Variants in LRFN5 observed in about 807,000 individuals in gnomAD.
The protein encoded by LRFN5 is leucine-rich repeat and fibronectin type-III domain-containing protein 5.
A neutral mutation model predicts 45.6 loss-of-function variants in LRFN5; 24 were observed. The observed-to-expected ratio is 0.53, with a 90% CI of 0.38 to 0.74. The LOEUF is 0.74. Among genes scored for constraint, LRFN5 ranks in the 30% least tolerant of loss-of-function variants. LRFN5 has a pLI of 0.00. For missense variants in LRFN5, 776 were observed against 861.5 expected (o/e 0.90, Z 1.24); for synonymous variants, 340 against 313.8 (o/e 1.08, Z -0.88).
intron 1 of LRFN5, chr14:41,700,562 C>G (rs1157414123): frequency 6.6e-6 from 1 of 151,642 alleles, no homozygotes; most frequent in African/African-American, 2.4e-5. Context: ...GTATAGATGT[C>G]TGCATGTGTA....
At chr14:41,805,601 G>C (rs992844008) in intron 2 of LRFN5, among the ~76,000 whole-genome samples, 104 of 142,310 alleles carry the variant, frequency 7.3e-4, no homozygotes, top group Admixed American at 2.9e-3. Context: ...TCCCCTTCCT[G>C]TGTCCATGTG....
chr14:41,746,349 A>C (rs1362463469), intron 1 of LRFN5, among the ~76,000 whole-genome samples: 1 of 152,008 alleles, frequency 6.6e-6, no homozygotes. Context: ...AACTACCTCA[A>C]TATTATAAAA....
intron 1 of LRFN5, among the ~76,000 whole-genome samples, chr14:41,718,865 A>T (rs962868164): frequency 6.6e-6 from 1 of 151,812 alleles, no homozygotes; most frequent in Admixed American, 6.6e-5. Context: ...ATTAACAGGG[A>T]TGGAAGTTTA....
chr14:41,631,901 A>G (rs1362703044), intron 1 of LRFN5, among the ~76,000 whole-genome samples: 2 of 152,218 alleles, frequency 1.3e-5, no homozygotes, highest in African/African-American at 4.8e-5. Flanking sequence ...TTTGGTTTTC[A>G]TTATGAAAGA....
chr14:41,641,082 C>G (rs1879553218), intron 1 of LRFN5, among the ~76,000 whole-genome samples: 1 of 152,076 alleles, frequency 6.6e-6, no homozygotes, highest in African/African-American at 2.4e-5. Flanking sequence ...TTCACACTCT[C>G]TAAAGTGCAA....
chr14:41,855,785 A>T (rs932922241), intron 2 of LRFN5, among the ~76,000 whole-genome samples: 4 of 152,216 alleles, frequency 2.6e-5, no homozygotes, highest in Non-Finnish European at 4.4e-5. Context: ...TCAGTAAAAC[A>T]GATGTTTTCA....
intron 1 of LRFN5, among the ~76,000 whole-genome samples, chr14:41,687,464 T>C (rs1163688392): frequency 6.6e-6 from 1 of 152,202 alleles, no homozygotes; most frequent in Non-Finnish European, 1.5e-5. Flanking sequence ...AAATACCATT[T>C]GATCCAGCAA....
chr14:41,682,858 C>G (rs1397251793), intron 1 of LRFN5, among the ~76,000 whole-genome samples: 2 of 152,050 alleles, frequency 1.3e-5, no homozygotes, highest in Non-Finnish European at 2.9e-5. Flanking sequence ...GATAATTTCA[C>G]TAATCAATTT....
intron 1 of LRFN5, among the ~76,000 whole-genome samples, chr14:41,629,035 T>C (rs1888444828): frequency 6.6e-6 from 1 of 152,138 alleles, no homozygotes; most frequent in South Asian, 2.1e-4. Flanking sequence ...TTTTAAAAAG[T>C]AGATATTTGT....
At chr14:41,902,082 T>C (rs548953443) in intron 5 of LRFN5, among the ~76,000 whole-genome samples, 2 of 152,104 alleles carry the variant, frequency 1.3e-5, no homozygotes, top group South Asian at 2.1e-4. Flanking sequence ...CTTAATTACA[T>C]TGAGAATAGG....
chr14:41,640,134 T>C (rs1473161496), intron 1 of LRFN5, among the ~76,000 whole-genome samples: 1 of 151,670 alleles, frequency 6.6e-6, no homozygotes, highest in Non-Finnish European at 1.5e-5. Context: ...CCTGGGATCC[T>C]GGGGGAAAAG....
rs1005643838 is a variant in LRFN5 at position 41,609,626 on chromosome 14, A to C, written c.-197+1064A>C. On this transcript the variant is annotated intron_variant, in intron 1 of 5. Transcript: ENST00000298119. ...GACATTAGAATTAACAAGATAAAGC[A>C]CTTCCAAAGTAGTCTCATCAATGTT... 5.3e-5 allele frequency among the ~76,000 whole-genome samples: 8 copies of C among 152,266 alleles called. No homozygotes were observed. In the East Asian group the frequency reaches 1.5e-3, roughly 29 times the overall value.
intron 1 of LRFN5, among the ~76,000 whole-genome samples, chr14:41,714,828 A>G (rs1267028719): frequency 6.6e-6 from 1 of 152,134 alleles, no homozygotes; most frequent in African/African-American, 2.4e-5. Context: ...TTGCTTAAGC[A>G]TAGGAGGTTC....
chr14:41,887,411 C>A lies in LRFN5; in HGVS notation c.786C>A (p.Thr262=), dbSNP rs1394625988. The change falls in exon 3 of 6, where the codon ACC becomes ACA. Residue 262 remains threonine, a synonymous_variant. Transcript: ENST00000298119. This position sits in a 1 kb window ranked among gnomAD's most constrained non-coding sequence, Gnocchi z 4.8. ...RRLSREDDLE[T]CASPPLLTGR... The stretch of plus-strand genomic sequence containing the variant: ...TGTCCAGAGAAGATGACTTAGAGAC[C>A]TGTGCTTCTCCTCCACTTTTAACTG... The A allele has an allele frequency of 1.2e-6, 2 of 1,614,144 alleles. No homozygotes were observed. Among genetic ancestry groups the A allele is most frequent in the South Asian group, 2.2e-5 (2 of 91,080 alleles).
intron 2 of LRFN5, among the ~76,000 whole-genome samples, chr14:41,780,100 G>A (rs1319100535): frequency 2.0e-5 from 3 of 151,702 alleles, no homozygotes; most frequent in Non-Finnish European, 3.0e-5. Context: ...CGTAGGCAGT[G>A]CTTTCACTGG....
intron 1 of LRFN5, among the ~76,000 whole-genome samples, chr14:41,692,670 G>A (rs887438486): frequency 6.6e-6 from 1 of 152,008 alleles, no homozygotes; most frequent in Non-Finnish European, 1.5e-5. Flanking sequence ...GCGGTGTTTG[G>A]TTTTTTGTCC....
intron 1 of LRFN5, among the ~76,000 whole-genome samples, chr14:41,736,831 A>C (rs750022695): frequency 5.9e-5 from 9 of 152,138 alleles, no homozygotes; most frequent in Non-Finnish European, 1.2e-4. Flanking sequence ...TAGACCAATA[A>C]CAGGTTCTGA....
chr14:41,829,986 T>G, intron 2 of LRFN5, among the ~76,000 whole-genome samples: 1 of 151,434 alleles, frequency 6.6e-6, no homozygotes, highest in East Asian at 2.0e-4. Flanking sequence ...TAAATAAACT[T>G]ACTATTTAGA....
intron 1 of LRFN5, among the ~76,000 whole-genome samples, chr14:41,633,897 A>T (rs1485953515): frequency 6.6e-6 from 1 of 152,150 alleles, no homozygotes; most frequent in Non-Finnish European, 1.5e-5. Context: ...CAATCCAAAT[A>T]AAAGACTGCT....
Sources: allele counts gnomAD v4.1 joint callset (sites outside exome capture counted in the v4.1 genomes callset), GRCh38; gene constraint gnomAD v4.1.1; non-coding constraint Gnocchi (gnomAD v3.1); transcripts MANE v1.5; gene names NCBI Gene and HGNC (gene_info 2026-07-23, HGNC 2026-07-21).